Variants in NUP214 observed in about 807,000 individuals in gnomAD.
NUP214 encodes nucleoporin 214.
In NUP214, 79 loss-of-function variants were observed where a neutral mutation model predicts 196.2. The observed-to-expected ratio is 0.40, with a 90% CI of 0.34 to 0.49. The LOEUF is 0.49. NUP214 is among the 20% of genes least tolerant of loss of function. The pLI is 0.58. For missense variants in NUP214, 2,468 were observed against 2,539.0 expected (o/e 0.97, Z 0.60); for synonymous variants, 1,020 against 990.5 (o/e 1.03, Z -0.56).
In NUP214 at chr9:131,144,317, A is replaced by G; in HGVS notation, c.1332A>G (p.Pro444=). Residue 444 remains proline, a synonymous_variant, in exon 12 of 36, where the codon CCA becomes CCG. Transcript: ENST00000359428. The part of the protein sequence containing the change: ...TPTTPTSSQA[P]QKLDASAAAA... ...CTACCCCAACCTCCTCTCAAGCCCCACAGAAACTGGATGCTTCTGCAGCTG... is the reference window on the plus strand; with the variant it reads ...CTACCCCAACCTCCTCTCAAGCCCCGCAGAAACTGGATGCTTCTGCAGCTG... 1 of 1,613,958 alleles carries G rather than the reference A, an allele frequency of 6.2e-7. No homozygotes were observed. The highest frequency in any genetic ancestry group is 1.1e-5 in the South Asian group (1 of 91,058).
At position 131,230,409 on chromosome 9, in the gene NUP214, T is replaced by TA. The variant is rs145372386; in HGVS notation, c.6075-221_6075-220insA. Reference sequence around the variant, plus strand: ...AAACTAAAACACTGGCCAGGTTGGATTTCATACTGTAGTCCTGCCATTTTT... The same window carrying TA: ...AAACTAAAACACTGGCCAGGTTGGATATTCATACTGTAGTCCTGCCATTTTT... On this transcript the variant is annotated intron_variant, in intron 33 of 35. Transcript: ENST00000359428. 117 of 551,682 alleles carry TA rather than the reference T, an allele frequency of 2.1e-4. No homozygotes were observed. In the East Asian group the frequency reaches 3.1e-3, roughly 15 times the overall value. The allele number at this position is 551,682 out of a possible 1,614,324, so 34.2% of individuals were successfully genotyped here.
chr9:131,192,494 G>A (rs1833635673), intron 27 of NUP214: 2 of 410,122 alleles, frequency 4.9e-6, no homozygotes, highest in Non-Finnish European at 8.6e-6. Flanking sequence ...GTTAATACTT[G>A]TTTGTTACAT....
At chr9:131,149,454 T>C (rs953413800) in intron 14 of NUP214, among the ~76,000 whole-genome samples, 6 of 149,702 alleles carry the variant, frequency 4.0e-5, no homozygotes, top group African/African-American at 1.5e-4. Context: ...CCCCGAAGCA[T>C]CCTAGATCCC....
intron 21 of NUP214, 145 bp from the exon 22 acceptor site, chr9:131,173,910 A>G: frequency 9.2e-7 from 1 of 1,082,146 alleles, no homozygotes; most frequent in Non-Finnish European, 1.3e-6. Flanking sequence ...TTCACATTTG[A>G]CAATACCTGC....
chr9:131,164,067 T>A lies in NUP214; in HGVS notation c.2816T>A (p.Leu939Gln). 6.2e-7 allele frequency: 1 copy of A among 1,614,192 alleles called. No homozygotes were observed. The highest frequency in any genetic ancestry group is 8.5e-7 in the Non-Finnish European group (1 of 1,180,032). The change falls in exon 21 of 36, where the codon CTG becomes CAG. Residue 939 changes from leucine to glutamine, a missense_variant. By Grantham distance (113) the Leu-to-Gln change is moderately radical (BLOSUM62 -2). Around this residue, in one of 5 missense-constraint regions of NUP214, gnomAD observed 1,801 missense variants for 1,779.4 expected, o/e 1.01. Transcript: ENST00000359428. ...TKSLPKVPAKLSPMKQAQLRN... is the reference protein window; with the variant it reads ...TKSLPKVPAKQSPMKQAQLRN... ...GTTTATGGATTTCTTGCAGCCAAAC[T>A]GTCCCCCATGAAACAGGCACAACTG...
rs562513502 is a variant in NUP214, at chr9:131,146,928, C to CAA, written c.1946-549_1946-548dup. On this transcript the variant is annotated intron_variant, in intron 13 of 35. Coordinates refer to ENST00000359428, the MANE Select transcript of NUP214 (RefSeq NM_005085.4). This position sits in a 1 kb window ranked among gnomAD's most constrained non-coding sequence, Gnocchi z 4.6. ...CTGGCGACAGAGCGAGACTCTGTCT[C>CAA]AAAAAAAAAAAAAAGTACAGAGGAG... Among the ~76,000 whole-genome samples the CAA allele has an allele frequency of 1.4e-3, 194 of 135,310 alleles. 2 individuals carry two copies. The highest frequency in any genetic ancestry group is 3.7e-3 in the African/African-American group (134 of 36,648). The allele number at this position is 135,310 out of a possible 152,430, so 88.8% of individuals were successfully genotyped here.
Position 131,134,971 on chromosome 9 carries a change from A to G in NUP214, c.905A>G (p.Gln302Arg). ...TGTTATGGCAGCTGCACGGAGAGAC[A>G]GCATCATTACTACCTCAGTTACATT... ...EPCYGSCTER[Q>R]HHYYLSYIEE... Residue 302 changes from glutamine (Q) to arginine (R), a missense_variant, in exon 8 of 36, where the codon CAG (glutamine) becomes CGG (arginine). Physicochemically the swap from Gln to Arg is conservative, Grantham distance 43. Coordinates refer to ENST00000359428, the MANE Select transcript of NUP214 (RefSeq NM_005085.4). 2 of 1,613,708 alleles carry G rather than the reference A, an allele frequency of 1.2e-6. No homozygotes were observed. The highest frequency in any genetic ancestry group is 1.3e-5 in the African/African-American group (1 of 75,050).
At chr9:131,170,469 A>T (rs1329636192) in intron 21 of NUP214, among the ~76,000 whole-genome samples, 1 of 152,136 alleles carries the variant, frequency 6.6e-6, no homozygotes, top group Non-Finnish European at 1.5e-5. Context: ...ATATTTGTAT[A>T]TTTGGGTGTT....
Position 131,128,627 on chromosome 9 carries a change from T to C in NUP214, c.393+144T>C. 6.5e-6 allele frequency: 4 copies of C among 617,872 alleles called. No homozygotes were observed. The South Asian group carries it at 1.3e-4, about 20-fold the overall frequency. 38.3% of individuals were successfully genotyped at this position (617,872 alleles called of 1,614,324 possible). The stretch of plus-strand genomic sequence containing the variant: ...TGGGTTAAAAAAAAATCCTTAATTA[T>C]AGAATCATAGATCTTTGAGACAGAA... On this transcript the variant is annotated intron_variant, in intron 3 of 35. Coordinates refer to ENST00000359428, the MANE Select transcript of NUP214 (RefSeq NM_005085.4).
chr9:131,178,193 A>G (rs1833169079), intron 23 of NUP214, 118 bp from the exon 24 acceptor site: 1 of 703,334 alleles, frequency 1.4e-6, no homozygotes, highest in African/African-American at 1.8e-5. Context: ...GATTTCCTTC[A>G]CATGATAAGG....
At chr9:131,160,341 A>G (rs1832591617) in intron 18 of NUP214, among the ~76,000 whole-genome samples, 1 of 152,222 alleles carries the variant, frequency 6.6e-6, no homozygotes. Context: ...TTTCCGTAAT[A>G]CTCTTCTGTA....
intron 9 of NUP214, chr9:131,136,896 C>T (rs1210627573): frequency 6.6e-6 from 1 of 152,200 alleles, no homozygotes; most frequent in Non-Finnish European, 1.5e-5. Flanking sequence ...CTTTAGTGCA[C>T]CCTTATAAAT....
intron 24 of NUP214, among the ~76,000 whole-genome samples, chr9:131,183,329 C>T (rs1833345887): frequency 6.6e-6 from 1 of 152,258 alleles, no homozygotes; most frequent in African/African-American, 2.4e-5. Context: ...AGGTGATCCG[C>T]CTGCCTCGGC....
chr9:131,199,673 C>G (rs750609225), intron 29 of NUP214, among the ~76,000 whole-genome samples: 4 of 152,190 alleles, frequency 2.6e-5, no homozygotes, highest in Non-Finnish European at 5.9e-5. Flanking sequence ...TATCAATAAG[C>G]AAGGCAATTT....
chr9:131,206,453 C>CT (rs367698204), intron 30 of NUP214, among the ~76,000 whole-genome samples: 40 of 150,356 alleles, frequency 2.7e-4, no homozygotes, highest in African/African-American at 6.1e-4. Flanking sequence ...ACCCTCTTTT[C>CT]TTTTTTTTTG....
Position 131,203,100 on chromosome 9 carries a change from C to T in NUP214, c.5592+1383C>T, listed in dbSNP as rs570049760. 4.6e-5 allele frequency among the ~76,000 whole-genome samples: 7 copies of T among 151,952 alleles called. No individual in the cohort carries two copies. In the South Asian group the frequency reaches 1.5e-3, roughly 32 times the overall value. ...AGCTGGGACTACAGGTGCCCACCAC[C>T]GCACCCAGCTAATTTTTTGTATTTT... On this transcript the variant is annotated intron_variant, in intron 30 of 35. Coordinates refer to ENST00000359428, the MANE Select transcript of NUP214 (RefSeq NM_005085.4).
chr9:131,210,767 T>C (rs1834219270), intron 30 of NUP214, among the ~76,000 whole-genome samples: 2 of 152,120 alleles, frequency 1.3e-5, no homozygotes, highest in African/African-American at 4.8e-5. Flanking sequence ...ATAGAAATTA[T>C]CTAAAATGAA....
Position 131,144,587 on chromosome 9 carries a change from T to C in NUP214, c.1602T>C (p.Pro534=). The change falls in exon 12 of 36, where the codon CCT becomes CCC. Residue 534 remains proline, a synonymous_variant. Transcript: ENST00000359428. ...CTAAAGCCTCCCTAGCCCCCACCCC[T>C]GCAGCGTCTCCTGTGGCTCCATCAG... ...PPSKASLAPT[P]AASPVAPSAA... 1 of 1,614,044 alleles carries C rather than the reference T, an allele frequency of 6.2e-7. No individual in the cohort carries two copies. The highest frequency in any genetic ancestry group is 8.5e-7 in the Non-Finnish European group (1 of 1,179,996).
At position 131,215,228 on chromosome 9, in the gene NUP214, G is replaced by T. The variant is rs1024083422; in HGVS notation, c.5609G>T (p.Ser1870Ile). 3 of 1,559,378 alleles carry T rather than the reference G, an allele frequency of 1.9e-6. No homozygotes were observed. The highest frequency in any genetic ancestry group is 3.4e-4 in the Middle Eastern group (2 of 5,814). Residue 1870 changes from serine (S) to isoleucine (I), a missense_variant, in exon 31 of 36, where the codon AGT becomes ATT. By Grantham distance (142) the Ser-to-Ile change is moderately radical. Transcript: ENST00000359428. ...IVFGQQSSSS[S>I]GSVFGSGNTG... is the part of the protein sequence containing the mutation. The stretch of plus-strand genomic sequence containing the variant: ...GTTTTTTAGCAATCATCCTCTTCCA[G>T]TGGTAGCGTGTTTGGGTCTGGAAAC...
Sources: allele counts gnomAD v4.1 joint callset (sites outside exome capture counted in the v4.1 genomes callset), GRCh38; gene constraint gnomAD v4.1.1; regional missense constraint gnomAD v4.1.1; non-coding constraint Gnocchi (gnomAD v3.1); transcripts MANE v1.5; gene names NCBI Gene and HGNC (gene_info 2026-07-23, HGNC 2026-07-21).